Variants in USP25 observed in about 807,000 individuals in gnomAD.
USP25 encodes ubiquitin specific peptidase 25, also known as ubiquitin carboxyl-terminal hydrolase 25.
A neutral mutation model predicts 158.5 loss-of-function variants in USP25; 85 were observed. That is an observed-to-expected ratio of 0.54 (90% CI 0.45 to 0.64). The LOEUF (loss-of-function observed/expected upper bound fraction) is 0.64. Ranked by LOEUF, USP25 falls within the 30% of genes least tolerant of loss-of-function variation. The probability of loss-of-function intolerance (pLI) is 0.00; values close to 1 mark genes in which losing one functional copy is unlikely to be tolerated. For missense variants in USP25, 1,242 were observed against 1,327.3 expected, an observed-to-expected ratio of 0.94 and a Z score of 1.00; for synonymous variants, 464 against 460.4, an observed-to-expected ratio of 1.01 and a Z score of -0.10.
intron 9 of USP25, among the ~76,000 whole-genome samples, chr21:15,813,179 C>G (rs916060061): frequency 6.6e-6 from 1 of 152,164 alleles, no homozygotes; most frequent in African/African-American, 2.4e-5. Flanking sequence ...TCCGTGCTCC[C>G]AATCCTATAA....
chr21:15,869,738 A>G (rs948784286), intron 22 of USP25, among the ~76,000 whole-genome samples: 1 of 152,184 alleles, frequency 6.6e-6, no homozygotes, highest in Non-Finnish European at 1.5e-5. Context: ...ATATAATAAT[A>G]GTTCAATAAT....
At chr21:15,868,404 A>ATTCG (rs1203706452) in intron 22 of USP25, among the ~76,000 whole-genome samples, 2 of 152,138 alleles carry the variant, frequency 1.3e-5, no homozygotes, top group African/African-American at 4.8e-5. Flanking sequence ...TGTCCCCAAG[A>ATTCG]TTCGTGTTCA....
chr21:15,789,923 T>C (rs929232953), intron 4 of USP25, among the ~76,000 whole-genome samples: 1 of 152,098 alleles, frequency 6.6e-6, no homozygotes, highest in Non-Finnish European at 1.5e-5. Flanking sequence ...TAACCTTTCT[T>C]TTTTGAGCAT....
chr21:15,820,418 T>C (rs144624276), intron 10 of USP25, among the ~76,000 whole-genome samples: 2 of 152,100 alleles, frequency 1.3e-5, no homozygotes, highest in African/African-American at 2.4e-5. Flanking sequence ...TGCCCCTATG[T>C]TGCAATATAA....
At chr21:15,866,366 TA>T in intron 22 of USP25, 22 bp downstream of exon 22, 2 of 1,551,886 alleles carry the variant, frequency 1.3e-6, no homozygotes, top group Non-Finnish European at 8.8e-7. Flanking sequence ...TCTTAGAGGT[TA>T]AACTACAGAT....
chr21:15,842,032 C>T (rs2038359077), intron 17 of USP25, among the ~76,000 whole-genome samples: 1 of 152,162 alleles, frequency 6.6e-6, no homozygotes, highest in Non-Finnish European at 1.5e-5. Context: ...AAAATAGCTC[C>T]TGTGCACTCT....
chr21:15,783,929 C>T (rs1316084341), intron 4 of USP25, among the ~76,000 whole-genome samples: 3 of 151,994 alleles, frequency 2.0e-5, no homozygotes, highest in Non-Finnish European at 2.9e-5. Flanking sequence ...GAGATCGCGC[C>T]ACTGCACTCC....
At chr21:15,827,239 C>T in intron 14 of USP25, 36 bp downstream of exon 14, 1 of 1,498,370 alleles carries the variant, frequency 6.7e-7, no homozygotes, top group Non-Finnish European at 9.3e-7. Flanking sequence ...ACTGTCACCT[C>T]AGATGGATAT....
At chr21:15,850,250 A>G (rs952385023) in intron 20 of USP25, among the ~76,000 whole-genome samples, 3 of 152,060 alleles carry the variant, frequency 2.0e-5, no homozygotes, top group Admixed American at 6.5e-5. Flanking sequence ...TTATTGGTCA[A>G]TATCATAATA....
chr21:15,770,086 T>C (rs2034268871), intron 3 of USP25, among the ~76,000 whole-genome samples: 1 of 152,028 alleles, frequency 6.6e-6, no homozygotes, highest in Non-Finnish European at 1.5e-5. Context: ...GCCACAGTAA[T>C]AGTGATTTAA....
intron 20 of USP25, among the ~76,000 whole-genome samples, chr21:15,859,992 T>TATATA (rs1491579050): frequency 1.2e-5 from 1 of 84,842 alleles, no homozygotes; most frequent in African/African-American, 8.1e-5. Flanking sequence ...TATATCTATA[T>TATATA]TTTTTTTTTT....
chr21:15,833,679 C>A, intron 17 of USP25, 131 bp downstream of exon 17: 1 of 813,878 alleles, frequency 1.2e-6, no homozygotes, highest in Non-Finnish European at 1.9e-6. Flanking sequence ...AATTCCATCA[C>A]TCAGATTATC....
At chr21:15,772,307 T>C (rs932675886) in intron 3 of USP25, among the ~76,000 whole-genome samples, 3 of 152,208 alleles carry the variant, frequency 2.0e-5, no homozygotes, top group Admixed American at 1.3e-4. Flanking sequence ...CGTTTTGATA[T>C]ATATTTCTCA....
chr21:15,784,591 A>C (rs973320925), intron 4 of USP25, among the ~76,000 whole-genome samples: 2 of 152,064 alleles, frequency 1.3e-5, no homozygotes, highest in Admixed American at 1.3e-4. Context: ...AAAGATAAAG[A>C]TGTAAATTAC....
intron 25 of USP25, 48 bp downstream of exon 25, chr21:15,878,039 G>A: frequency 2.1e-6 from 3 of 1,456,930 alleles, no homozygotes; most frequent in Non-Finnish European, 2.8e-6. Flanking sequence ...CGGATTAAAT[G>A]CAGTTAGAAT....
chr21:15,796,340 G>A (rs1175403968), intron 5 of USP25, among the ~76,000 whole-genome samples: 1 of 151,424 alleles, frequency 6.6e-6, no homozygotes, highest in Non-Finnish European at 1.5e-5. Flanking sequence ...GCCTTGTGAT[G>A]TTTTGCTGGA....
chr21:15,798,614 T>G (rs1032182252), intron 5 of USP25, among the ~76,000 whole-genome samples: 1 of 151,272 alleles, frequency 6.6e-6, no homozygotes, highest in African/African-American at 2.4e-5. Context: ...GTGTCTGGCA[T>G]ATAGTAGATG....
At chr21:15,822,153 CAT>C (rs1301773450) in intron 10 of USP25, among the ~76,000 whole-genome samples, 1 of 151,700 alleles carries the variant, frequency 6.6e-6, no homozygotes, top group Non-Finnish European at 1.5e-5. Context: ...AAAAATTTCT[CAT>C]GTTTCGTATT....
chr21:15,818,453 G>GA (rs1047298772), intron 9 of USP25, among the ~76,000 whole-genome samples: 5 of 152,052 alleles, frequency 3.3e-5, no homozygotes, highest in African/African-American at 9.7e-5. Flanking sequence ...CTTCTTGCGA[G>GA]AAAAAATATA....
Sources: allele counts gnomAD v4.1 joint callset (sites outside exome capture counted in the v4.1 genomes callset), GRCh38; gene constraint gnomAD v4.1.1; transcripts MANE v1.5; gene names NCBI Gene and HGNC (gene_info 2026-07-23, HGNC 2026-07-21).